The following TIAM1 variants were observed in gnomAD, a reference collection of about 807,000 sequenced individuals.
The protein encoded by TIAM1 is TIAM Rac1 associated GEF 1.
TIAM1 carries 65 observed loss-of-function variants against 163.5 expected under a neutral mutation model. The ratio of observed to expected loss-of-function variants is 0.40; its 90% CI spans 0.33 to 0.49. TIAM1 has a LOEUF of 0.49. Ranked by LOEUF, TIAM1 falls within the 20% of genes least tolerant of loss-of-function variation. The pLI is 0.77. For missense variants in TIAM1, 1,789 were observed against 2,044.7 expected, an observed-to-expected ratio of 0.87 and a Z score of 2.41; for synonymous variants, 833 against 810.1, an observed-to-expected ratio of 1.03 and a Z score of -0.48.
At chr21:31,285,192 C>G (rs1027853189) in intron 2 of TIAM1, among the ~76,000 whole-genome samples, 19 of 152,154 alleles carry the variant, frequency 1.2e-4, no homozygotes, top group Admixed American at 3.9e-4. Flanking sequence ...AGCCACCCCC[C>G]CAAGCCAATT....
chr21:31,269,126 A>G (rs565838158), intron 3 of TIAM1, among the ~76,000 whole-genome samples: 2 of 152,370 alleles, frequency 1.3e-5, no homozygotes, highest in African/African-American at 4.8e-5. Context: ...ATTTTCAACA[A>G]CAGCTTTCTG....
intron 1 of TIAM1, among the ~76,000 whole-genome samples, chr21:31,504,666 GA>G (rs2046969118): frequency 6.6e-6 from 1 of 152,214 alleles, no homozygotes; most frequent in Non-Finnish European, 1.5e-5. Flanking sequence ...ACCAGGGGCT[GA>G]TGACTTCTGC....
intron 2 of TIAM1, among the ~76,000 whole-genome samples, chr21:31,392,904 A>C (rs2076991981): frequency 6.6e-6 from 1 of 151,650 alleles, no homozygotes; most frequent in Non-Finnish European, 1.5e-5. Context: ...ACAGAAGCCA[A>C]GCAGATGCTG....
chr21:31,268,117 AAAAC>A (rs1345366048), intron 3 of TIAM1, among the ~76,000 whole-genome samples: 2 of 152,210 alleles, frequency 1.3e-5, no homozygotes, highest in African/African-American at 4.8e-5. Context: ...GGAAAGAAGA[AAAAC>A]AGAGTAACTG....
At chr21:31,183,057 G>C (rs2085113066) in intron 14 of TIAM1, among the ~76,000 whole-genome samples, 1 of 152,150 alleles carries the variant, frequency 6.6e-6, no homozygotes, top group Admixed American at 6.5e-5. Flanking sequence ...GCACACTTAA[G>C]TCACAGCCAG....
chr21:31,436,647 A>T (rs7280903), intron 2 of TIAM1, among the ~76,000 whole-genome samples: 11,071 of 151,760 alleles, frequency 0.073, 1,325 homozygotes, highest in African/African-American at 0.25. Context: ...AAAAATAAAT[A>T]AATTAATTAA....
intron 3 of TIAM1, among the ~76,000 whole-genome samples, chr21:31,270,518 G>A: frequency 6.6e-6 from 1 of 152,170 alleles, no homozygotes; most frequent in East Asian, 1.9e-4. Flanking sequence ...TAGGGACTAG[G>A]TAGGAGGGAG....
At chr21:31,307,881 C>T (rs1193699339) in intron 2 of TIAM1, among the ~76,000 whole-genome samples, 1 of 152,070 alleles carries the variant, frequency 6.6e-6, no homozygotes, top group Non-Finnish European at 1.5e-5. Context: ...ATAGAGGTTT[C>T]CCTAAGTGAA....
At chr21:31,373,079 G>T (rs1055379902) in intron 2 of TIAM1, among the ~76,000 whole-genome samples, 2 of 145,476 alleles carry the variant, frequency 1.4e-5, no homozygotes, top group African/African-American at 2.6e-5. Flanking sequence ...GAAAAGAAAA[G>T]AAAAGAAAAA....
intron 22 of TIAM1, among the ~76,000 whole-genome samples, chr21:31,138,436 C>T (rs1473470248): frequency 7.9e-5 from 12 of 152,218 alleles, no homozygotes; most frequent in Non-Finnish European, 1.6e-4. Flanking sequence ...CCAGCAGATA[C>T]TGATAAATGT....
At chr21:31,503,646 C>G (rs1413199062) in intron 1 of TIAM1, among the ~76,000 whole-genome samples, 1 of 50,630 alleles carries the variant, frequency 2.0e-5, no homozygotes, top group African/African-American at 7.7e-5. Flanking sequence ...AATACACTTG[C>G]TTTTTCTCTG....
chr21:31,296,268 T>C (rs183449414), intron 2 of TIAM1, among the ~76,000 whole-genome samples: 92 of 152,274 alleles, frequency 6.0e-4, no homozygotes, highest in African/African-American at 2.2e-3. Context: ...CCTAAAATCC[T>C]GGTATAGAAG....
chr21:31,413,519 C>T (rs967089202), intron 2 of TIAM1, among the ~76,000 whole-genome samples: 1 of 152,008 alleles, frequency 6.6e-6, no homozygotes, highest in African/African-American at 2.4e-5. Context: ...ATCCACCCGC[C>T]CCGGCCTCCC....
Position 31,266,211 on chromosome 21 carries a change from T to A in TIAM1, c.762A>T (p.Ala254=), listed in dbSNP as rs1238214988. The A allele has an allele frequency of 2.4e-5, 39 of 1,614,070 alleles. No individual in the cohort carries two copies. Among genetic ancestry groups the A allele is most frequent in the Non-Finnish European group, 3.2e-5 (38 of 1,180,056 alleles). The part of the protein sequence containing the change: ...TANGGPGSKF[A]GYCRNLVSDI... ...CAGACACCAAATTCCGACAGTAGCC[T>A]GCAAATTTGCTCCCCGGCCCCCCGT... The change falls in exon 4 of 28, where the codon GCA becomes GCT. Residue 254 remains alanine (A), a synonymous_variant. Coordinates refer to ENST00000541036, the MANE Select transcript of TIAM1 (RefSeq NM_001353694.2).
At chr21:31,436,868 G>T (rs1338492753) in intron 2 of TIAM1, among the ~76,000 whole-genome samples, 2 of 151,982 alleles carry the variant, frequency 1.3e-5, no homozygotes, top group African/African-American at 4.8e-5. Flanking sequence ...TGACACAGGA[G>T]AATCGCTTGC....
intron 11 of TIAM1, among the ~76,000 whole-genome samples, chr21:31,208,108 G>A (rs2086546978): frequency 6.6e-6 from 1 of 152,116 alleles, no homozygotes; most frequent in Non-Finnish European, 1.5e-5. Flanking sequence ...TCTAGATATG[G>A]TCTCTAACTG....
Position 31,482,699 on chromosome 21 carries a change from G to A in TIAM1, c.-421-18664C>T, listed in dbSNP as rs143466005. 3.3e-5 allele frequency among the ~76,000 whole-genome samples: 5 copies of A among 152,262 alleles called. No individual in the cohort carries two copies. The East Asian group carries it at 7.7e-4, about 24-fold the overall frequency. Reference sequence around the variant, plus strand: ...ATATGCAAGCTGACGCTCAGGACACGCCTACCTGCCTGCCCATGTGCATCT... The same window carrying A: ...ATATGCAAGCTGACGCTCAGGACACACCTACCTGCCTGCCCATGTGCATCT... On this transcript the variant is annotated intron_variant, in intron 1 of 28. Transcript: ENST00000286827.
chr21:31,541,471 AGAAAG>A (rs2048322382), intron 1 of TIAM1, among the ~76,000 whole-genome samples: 1 of 152,168 alleles, frequency 6.6e-6, no homozygotes, highest in African/African-American at 2.4e-5. Flanking sequence ...AGAAGGAAAA[AGAAAG>A]AAAAGAAAAA....
At chr21:31,465,195 G>A (rs1228361805) in intron 1 of TIAM1, among the ~76,000 whole-genome samples, 1 of 151,842 alleles carries the variant, frequency 6.6e-6, no homozygotes. Context: ...GACAGAGCAA[G>A]AACCTGTCTC....
Sources: gnomAD v4.1 joint callset for allele counts (sites outside exome capture counted in the v4.1 genomes callset) on GRCh38, gnomAD v4.1.1 for gene constraint, MANE v1.5 for transcripts, NCBI Gene and HGNC (gene_info 2026-07-23, HGNC 2026-07-21) for gene names.